STX8: variants seen among roughly 807,000 people sequenced by gnomAD.
STX8 encodes syntaxin-8.
In STX8, 23 loss-of-function variants were observed where a neutral mutation model predicts 37.5. The ratio of observed to expected loss-of-function variants is 0.61; its 90% CI spans 0.44 to 0.87. The LOEUF is 0.87. Ranked by LOEUF, STX8 falls within the 40% of genes least tolerant of loss-of-function variation. The probability of loss-of-function intolerance (pLI) is 0.00; values close to 1 mark genes in which losing one functional copy is unlikely to be tolerated. For synonymous variants in STX8, 115 were observed against 99.1 expected, an observed-to-expected ratio of 1.16 and a Z score of -0.95; for missense variants, 313 against 284.7, an observed-to-expected ratio of 1.10 and a Z score of -0.71.
At chr17:9,548,745 T>C (rs550960763) in intron 3 of STX8, among the ~76,000 whole-genome samples, 11 of 152,036 alleles carry the variant, frequency 7.2e-5, no homozygotes, top group African/African-American at 1.2e-4. Context: ...ATCTACAAAA[T>C]ATAACATTAA....
At chr17:9,257,881 T>TG (rs1906861426) in intron 7 of STX8, among the ~76,000 whole-genome samples, 1 of 152,118 alleles carries the variant, frequency 6.6e-6, no homozygotes, top group African/African-American at 2.4e-5. Context: ...CCCAGCTACT[T>TG]GGGAGGCTGA....
chr17:9,447,781 T>C (rs1374163766), intron 6 of STX8, among the ~76,000 whole-genome samples: 1 of 152,214 alleles, frequency 6.6e-6, no homozygotes, highest in Admixed American at 6.5e-5. Flanking sequence ...AAATTAATGT[T>C]CTCATCAATT....
intron 7 of STX8, among the ~76,000 whole-genome samples, chr17:9,300,263 G>A (rs566784103): frequency 3.4e-5 from 5 of 147,156 alleles, no homozygotes; most frequent in South Asian, 2.2e-4. Flanking sequence ...CCTGGGAGGA[G>A]GAGGTTGCGG....
intron 4 of STX8, among the ~76,000 whole-genome samples, chr17:9,506,172 T>A (rs76877081): frequency 0.018 from 2,672 of 152,080 alleles, 45 homozygotes; most frequent in Non-Finnish European, 0.029. Flanking sequence ...TCAGTCCCCA[T>A]GTTTTCAGGA....
intron 7 of STX8, among the ~76,000 whole-genome samples, chr17:9,312,720 GA>G (rs1429095139): frequency 6.6e-6 from 1 of 152,182 alleles, no homozygotes; most frequent in Non-Finnish European, 1.5e-5. Flanking sequence ...TTAGAAAGTG[GA>G]ATGACAGGTG....
chr17:9,409,777 T>C lies in STX8; in HGVS notation c.542-31124A>G, dbSNP rs114574202. On this transcript the variant is annotated intron_variant, in intron 6 of 7. Coordinates refer to ENST00000306357, the MANE Select transcript of STX8 (RefSeq NM_004853.3). ...CTGGAATGAGATAATAGATCCCTAA[T>C]TGGAAGCACTGGGGGGAAAAAAAGC... Among the ~76,000 whole-genome samples, 1,298 of 151,034 alleles carry C rather than the reference T, an allele frequency of 8.6e-3. 19 individuals are homozygous for C. Among genetic ancestry groups the C allele is most frequent in the African/African-American group, 0.03 (1,225 of 41,524 alleles).
intron 3 of STX8, among the ~76,000 whole-genome samples, chr17:9,550,473 C>G (rs369671837): frequency 1.3e-5 from 2 of 151,638 alleles, no homozygotes; most frequent in South Asian, 4.2e-4. Context: ...ACTCGGGAGG[C>G]TAAGGCAGGA....
At chr17:9,318,121 G>C (rs1449562961) in intron 7 of STX8, among the ~76,000 whole-genome samples, 2 of 152,194 alleles carry the variant, frequency 1.3e-5, no homozygotes, top group Non-Finnish European at 2.9e-5. Context: ...AGAGGACACA[G>C]AAATAATTTT....
At chr17:9,353,845 C>A (rs1169023655) in intron 7 of STX8, among the ~76,000 whole-genome samples, 3 of 152,038 alleles carry the variant, frequency 2.0e-5, no homozygotes, top group Non-Finnish European at 4.4e-5. Context: ...ATAACAGAAC[C>A]TACAAATGTA....
At chr17:9,468,936 C>T (rs1025707276) in intron 6 of STX8, among the ~76,000 whole-genome samples, 1 of 152,196 alleles carries the variant, frequency 6.6e-6, no homozygotes, top group Non-Finnish European at 1.5e-5. Context: ...ATACGCATCC[C>T]GCATACAAAA....
chr17:9,523,752 C>G (rs1488612249), intron 4 of STX8, among the ~76,000 whole-genome samples: 1 of 152,196 alleles, frequency 6.6e-6, no homozygotes, highest in Non-Finnish European at 1.5e-5. Context: ...CAAATCAATA[C>G]TGTTCTATGA....
chr17:9,436,926 C>A (rs989969417), intron 6 of STX8, among the ~76,000 whole-genome samples: 18 of 152,176 alleles, frequency 1.2e-4, no homozygotes, highest in Admixed American at 5.2e-4. Flanking sequence ...CCTTTTCCAG[C>A]CAAGCTGATT....
intron 7 of STX8, among the ~76,000 whole-genome samples, chr17:9,257,806 G>A (rs1320002294): frequency 6.6e-6 from 1 of 152,166 alleles, no homozygotes; most frequent in Non-Finnish European, 1.5e-5. Flanking sequence ...TGGCCAGCAT[G>A]GCCAAACCCC....
intron 7 of STX8, among the ~76,000 whole-genome samples, chr17:9,353,249 CATT>C (rs1910769045): frequency 6.6e-6 from 1 of 152,204 alleles, no homozygotes; most frequent in Non-Finnish European, 1.5e-5. Flanking sequence ...ATAGCCCCAT[CATT>C]GTTTGTGCGC....
chr17:9,414,574 G>A (rs77864104), intron 6 of STX8, among the ~76,000 whole-genome samples: 6,626 of 152,070 alleles, frequency 0.044, 456 homozygotes, highest in African/African-American at 0.15. Context: ...GTGTGAAGTC[G>A]AGTTGACAGA....
At chr17:9,416,927 G>GT (rs1913219839) in intron 6 of STX8, among the ~76,000 whole-genome samples, 2 of 152,230 alleles carry the variant, frequency 1.3e-5, no homozygotes, top group South Asian at 4.1e-4. Flanking sequence ...CTTTTGAGAT[G>GT]TTTTTTCAGA....
At chr17:9,536,744 A>AT (rs1471412071) in intron 4 of STX8, among the ~76,000 whole-genome samples, 3 of 133,722 alleles carry the variant, frequency 2.2e-5, no homozygotes, top group South Asian at 2.3e-4. Flanking sequence ...TGGGCTTATT[A>AT]TTATTTTTTT....
chr17:9,302,270 A>C (rs1908815105), intron 7 of STX8, among the ~76,000 whole-genome samples: 1 of 152,138 alleles, frequency 6.6e-6, no homozygotes, highest in Non-Finnish European at 1.5e-5. Context: ...TCTCATCCTT[A>C]ATATGGTGGT....
chr17:9,427,379 T>C (rs1364713466), intron 6 of STX8, among the ~76,000 whole-genome samples: 2 of 152,230 alleles, frequency 1.3e-5, no homozygotes, highest in Admixed American at 6.5e-5. Context: ...CACCTGGGCA[T>C]CCTGAGACTT....
Sources: allele counts gnomAD v4.1 joint callset (sites outside exome capture counted in the v4.1 genomes callset), GRCh38; gene constraint gnomAD v4.1.1; transcripts MANE v1.5; gene names NCBI Gene and HGNC (gene_info 2026-07-23, HGNC 2026-07-21).